ROBO2: variants seen among roughly 807,000 people sequenced by gnomAD.
ROBO2 encodes the protein roundabout guidance receptor 2, also known as roundabout homolog 2.
Under a neutral mutation model 160.8 loss-of-function variants are expected in ROBO2, and 53 were observed. The observed-to-expected ratio is 0.33, with a 90% CI of 0.26 to 0.41. The LOEUF (loss-of-function observed/expected upper bound fraction) is 0.41. ROBO2 is among the 10% of genes least tolerant of loss of function. The pLI, the probability that ROBO2 is intolerant of heterozygous loss-of-function variation, is 1.00. For synonymous variants in ROBO2, 664 were observed against 611.7 expected (o/e 1.09, Z -1.26); for missense variants, 1,577 against 1,722.4 (o/e 0.92, Z 1.49).
At chr3:76,594,078 T>G (rs2086592020) in intron 2 of ROBO2, among the ~76,000 whole-genome samples, 1 of 152,012 alleles carries the variant, frequency 6.6e-6, no homozygotes. Flanking sequence ...TAGTTTAATT[T>G]TATTGAATCC....
chr3:76,860,335 G>A (rs780353626), intron 2 of ROBO2, among the ~76,000 whole-genome samples: 1 of 152,080 alleles, frequency 6.6e-6, no homozygotes, highest in East Asian at 1.9e-4. Flanking sequence ...TGTTTTCGTA[G>A]GGCATTTTAC....
chr3:76,194,180 T>C (rs1038405795), intron 2 of ROBO2, among the ~76,000 whole-genome samples: 1 of 151,658 alleles, frequency 6.6e-6, no homozygotes, highest in East Asian at 1.9e-4. Flanking sequence ...GTGTTTCTTC[T>C]TCTTCTAGAG....
chr3:76,925,015 C>T (rs945722424), intron 2 of ROBO2, among the ~76,000 whole-genome samples: 1 of 151,456 alleles, frequency 6.6e-6, no homozygotes, highest in Non-Finnish European at 1.5e-5. Flanking sequence ...GAGACCATCC[C>T]GGCTAAAACG....
intron 2 of ROBO2, among the ~76,000 whole-genome samples, chr3:75,956,027 A>G (rs1948713071): frequency 6.6e-6 from 1 of 151,832 alleles, no homozygotes. Context: ...AATAGAATTC[A>G]TCATACTTTA....
intron 2 of ROBO2, among the ~76,000 whole-genome samples, chr3:76,453,744 A>G (rs993347396): frequency 6.6e-6 from 1 of 152,192 alleles, no homozygotes; most frequent in African/African-American, 2.4e-5. Flanking sequence ...TTTGTATTTT[A>G]AAAAACAAAA....
Position 77,470,440 on chromosome 3 carries a change from A to T in ROBO2, c.389-6974A>T, listed in dbSNP as rs141950452. Among the ~76,000 whole-genome samples, 1,209 of 152,284 alleles carry T rather than the reference A, an allele frequency of 7.9e-3. 4 individuals are homozygous for T. The highest frequency in any genetic ancestry group is 0.014 in the Middle Eastern group (4 of 294). ...TGATATTGCAAATCAGTGCAGCATA[A>T]TGACTGTGTATAAATTCTAGTGTCA... On this transcript the variant is annotated intron_variant, in intron 2 of 25. Transcript: ENST00000461745.
intron 2 of ROBO2, among the ~76,000 whole-genome samples, chr3:77,179,035 A>T (rs1334497470): frequency 6.6e-6 from 1 of 152,086 alleles, no homozygotes; most frequent in Non-Finnish European, 1.5e-5. Flanking sequence ...CTAACATATC[A>T]TAGTATGTGG....
At chr3:76,741,700 T>A (rs2093804082) in intron 2 of ROBO2, among the ~76,000 whole-genome samples, 1 of 97,332 alleles carries the variant, frequency 1.0e-5, no homozygotes, top group African/African-American at 4.9e-5. Context: ...AACTTTTTTC[T>A]GTTTTTTCTC....
At chr3:76,177,047 A>G (rs1280977744) in intron 2 of ROBO2, among the ~76,000 whole-genome samples, 2 of 152,116 alleles carry the variant, frequency 1.3e-5, no homozygotes, top group Non-Finnish European at 2.9e-5. Flanking sequence ...AGAAAACAAT[A>G]AAAAAATTGT....
chr3:76,875,257 C>T (rs1285079512), intron 2 of ROBO2, among the ~76,000 whole-genome samples: 1 of 152,188 alleles, frequency 6.6e-6, no homozygotes, highest in African/African-American at 2.4e-5. Context: ...GTGCCAGTGC[C>T]TTGATCTTGA....
chr3:77,019,840 G>T (rs1371679216), intron 2 of ROBO2, among the ~76,000 whole-genome samples: 1 of 152,150 alleles, frequency 6.6e-6, no homozygotes, highest in East Asian at 1.9e-4. Context: ...ACAAAATGAT[G>T]GTTCAACATT....
intron 2 of ROBO2, among the ~76,000 whole-genome samples, chr3:76,662,734 A>C (rs2110069310): frequency 6.6e-6 from 1 of 152,296 alleles, no homozygotes; most frequent in South Asian, 2.1e-4. Flanking sequence ...AGGAAGAGCT[A>C]TGTCAGGAAC....
chr3:76,213,317 A>T (rs1222012812), intron 2 of ROBO2, among the ~76,000 whole-genome samples: 1 of 152,174 alleles, frequency 6.6e-6, no homozygotes, highest in Admixed American at 6.5e-5. Context: ...AGAAGAAGTT[A>T]TCTAATGTAA....
In ROBO2 at chr3:77,490,014, C is replaced by G. The variant is rs139154932; in HGVS notation, c.668-3230C>G. 4.5e-3 allele frequency among the ~76,000 whole-genome samples: 687 copies of G among 151,850 alleles called. 2 individuals carry two copies. Among genetic ancestry groups the G allele is most frequent in the African/African-American group, 0.015 (619 of 41,394 alleles). ...TGGTGGCTTTGGTTCTTCTTCAGGG[C>G]TCATATTTCCTTTTTCTTACTGATT... On this transcript the variant is annotated intron_variant, in intron 4 of 25. Transcript: ENST00000461745.
chr3:77,241,144 G>A (rs62249668), intron 2 of ROBO2, among the ~76,000 whole-genome samples: 4,138 of 152,168 alleles, frequency 0.027, 63 homozygotes, highest in Middle Eastern at 0.051. Flanking sequence ...TTTCATATTT[G>A]ATCATTTGTG....
chr3:77,461,439 C>T (rs1251171231), intron 2 of ROBO2, among the ~76,000 whole-genome samples: 1 of 151,900 alleles, frequency 6.6e-6, no homozygotes, highest in African/African-American at 2.4e-5. Flanking sequence ...GAATATAATA[C>T]ATTTTATGAT....
chr3:77,414,090 GAGAAAAAA>G (rs2077018095), intron 2 of ROBO2, among the ~76,000 whole-genome samples: 1 of 151,526 alleles, frequency 6.6e-6, no homozygotes, highest in Non-Finnish European at 1.5e-5. Context: ...AGAGGAGACT[GAGAAAAAA>G]AGAAAAAAAG....
chr3:76,962,290 A>G (rs2079723026), intron 2 of ROBO2, among the ~76,000 whole-genome samples: 1 of 151,780 alleles, frequency 6.6e-6, no homozygotes, highest in Non-Finnish European at 1.5e-5. Context: ...AGCTGAGATC[A>G]TACATTGCAC....
intron 5 of ROBO2, among the ~76,000 whole-genome samples, chr3:77,497,032 C>T (rs1271442181): frequency 6.6e-6 from 1 of 152,050 alleles, no homozygotes; most frequent in African/African-American, 2.4e-5. Context: ...GGAAGCATAG[C>T]AAGTCTAACA....
Sources: allele counts gnomAD v4.1 joint callset (sites outside exome capture counted in the v4.1 genomes callset), GRCh38; gene constraint gnomAD v4.1.1; transcripts MANE v1.5; gene names NCBI Gene and HGNC (gene_info 2026-07-23, HGNC 2026-07-21).